The following NALF1 variants were observed in gnomAD, a reference collection of about 807,000 sequenced individuals.
NALF1 encodes NALCN channel auxiliary factor 1.
NALF1 carries 3 observed loss-of-function variants against 48.4 expected under a neutral mutation model. The observed-to-expected ratio is 0.06, with a 90% confidence interval of 0.03 to 0.16. NALF1 has a LOEUF of 0.16. Among genes scored for constraint, NALF1 ranks in the 10% least tolerant of loss-of-function variants. The pLI is 1.00. For missense variants in NALF1, 526 were observed against 571.5 expected (o/e 0.92, Z 0.81); for synonymous variants, 262 against 245.7 (o/e 1.07, Z -0.62).
intron 1 of NALF1, among the ~76,000 whole-genome samples, chr13:107,326,498 TC>T (rs1438996974): frequency 2.6e-5 from 4 of 152,174 alleles, no homozygotes; most frequent in African/African-American, 9.7e-5. Flanking sequence ...TTCTCCATTT[TC>T]CCCATTTTAT....
intron 1 of NALF1, among the ~76,000 whole-genome samples, chr13:107,271,267 C>T (rs1057353875): frequency 6.6e-6 from 1 of 152,038 alleles, no homozygotes; most frequent in Admixed American, 6.5e-5. Flanking sequence ...CTAACTTAAT[C>T]GCACTCCAGT....
Position 107,433,414 on chromosome 13 carries a change from A to T in NALF1, c.916-222659T>A, listed in dbSNP as rs562487573. Among the ~76,000 whole-genome samples, 171 of 152,244 alleles carry T rather than the reference A, an allele frequency of 1.1e-3. 1 individual carries two copies. The highest frequency in any genetic ancestry group is 3.6e-3 in the Admixed American group (55 of 15,282). ...AGTCACAGATTTGGTTTCTAGGGTG[A>T]TTGCCCATTATATATCAAATTAATC... On this transcript the variant is annotated intron_variant, in intron 1 of 2. Coordinates refer to ENST00000375915, the MANE Select transcript of NALF1 (RefSeq NM_001080396.3).
chr13:107,530,022 G>A (rs1191583756), intron 1 of NALF1, among the ~76,000 whole-genome samples: 2 of 152,012 alleles, frequency 1.3e-5, no homozygotes, highest in African/African-American at 4.8e-5. Context: ...AGAAGCAAGG[G>A]TTCTATAGCT....
At chr13:107,260,043 G>A (rs1457387601) in intron 1 of NALF1, among the ~76,000 whole-genome samples, 1 of 152,228 alleles carries the variant, frequency 6.6e-6, no homozygotes, top group Non-Finnish European at 1.5e-5. Flanking sequence ...AAACATGGAA[G>A]AGACATGGAA....
chr13:107,202,495 T>C (rs1053537074), intron 2 of NALF1, among the ~76,000 whole-genome samples: 12 of 151,972 alleles, frequency 7.9e-5, no homozygotes, highest in Non-Finnish European at 1.5e-4. Flanking sequence ...AGCTCTGTTC[T>C]TACCCTTTAT....
At chr13:107,776,452 C>T (rs1173429488) in intron 1 of NALF1, among the ~76,000 whole-genome samples, 2 of 152,120 alleles carry the variant, frequency 1.3e-5, no homozygotes, top group Non-Finnish European at 2.9e-5. Flanking sequence ...ATTCTTAACG[C>T]ATAAAGAACA....
intron 1 of NALF1, among the ~76,000 whole-genome samples, chr13:107,595,353 A>G (rs368433906): frequency 6.6e-6 from 1 of 152,150 alleles, no homozygotes; most frequent in Non-Finnish European, 1.5e-5. Context: ...GGTTCAGGGC[A>G]TCTCTTCTCT....
chr13:107,646,139 T>G (rs531461401), intron 1 of NALF1, among the ~76,000 whole-genome samples: 1 of 152,194 alleles, frequency 6.6e-6, no homozygotes, highest in South Asian at 2.1e-4. Flanking sequence ...TAAAATTGCA[T>G]CTAACGTTTC....
At chr13:107,675,420 G>C (rs563568125) in intron 1 of NALF1, among the ~76,000 whole-genome samples, 15 of 152,314 alleles carry the variant, frequency 9.8e-5, no homozygotes, top group Non-Finnish European at 1.8e-4. Context: ...CTGCGGATGG[G>C]GGGGAAGGGA....
intron 1 of NALF1, among the ~76,000 whole-genome samples, chr13:107,800,610 AAT>A (rs894141269): frequency 2.2e-4 from 32 of 147,118 alleles, no homozygotes; most frequent in Non-Finnish European, 3.9e-4. Flanking sequence ...TATGTAATAT[AAT>A]ATATATATTA....
chr13:107,831,731 C>T (rs1879737558), intron 1 of NALF1, among the ~76,000 whole-genome samples: 1 of 152,098 alleles, frequency 6.6e-6, no homozygotes, highest in African/African-American at 2.4e-5. Flanking sequence ...TATTTTGTAA[C>T]AAGATGTTTG....
chr13:107,660,467 AC>A lies in NALF1; in HGVS notation c.915+205214del, dbSNP rs1566434034. On this transcript the variant is annotated intron_variant, in intron 1 of 2. Transcript: ENST00000375915. ...CACACACACACACACACACACACAC[AC>A]ACACACACACACACACAACAAAGAA... Among the ~76,000 whole-genome samples, 1,033 of 124,134 alleles carry A rather than the reference AC, an allele frequency of 8.3e-3. 25 individuals are homozygous for A. The highest frequency in any genetic ancestry group is 0.037 in the African/African-American group (989 of 26,510). 81.4% of individuals were successfully genotyped at this position (124,134 alleles called of 152,430 possible). A position where few individuals can be genotyped will look rare whatever the true frequency, so the allele number is the denominator to read the frequency against.
At chr13:107,847,905 C>G (rs975191490) in intron 1 of NALF1, among the ~76,000 whole-genome samples, 1 of 151,960 alleles carries the variant, frequency 6.6e-6, no homozygotes, top group Non-Finnish European at 1.5e-5. Flanking sequence ...TAATGAAATT[C>G]TCTACTTTTT....
intron 1 of NALF1, among the ~76,000 whole-genome samples, chr13:107,240,806 C>G (rs1880450753): frequency 6.6e-6 from 1 of 151,508 alleles, no homozygotes; most frequent in Non-Finnish European, 1.5e-5. Context: ...AAAGATATTT[C>G]ACCTTTTTTT....
chr13:107,691,528 C>T (rs558265650), intron 1 of NALF1, among the ~76,000 whole-genome samples: 2 of 152,294 alleles, frequency 1.3e-5, no homozygotes, highest in South Asian at 2.1e-4. Context: ...CTCACATGCA[C>T]AGAAATCAGT....
At chr13:107,485,769 A>G (rs1885319300) in intron 1 of NALF1, among the ~76,000 whole-genome samples, 1 of 152,176 alleles carries the variant, frequency 6.6e-6, no homozygotes, top group Non-Finnish European at 1.5e-5. Context: ...GCTACCTAAA[A>G]TTTAACCAAA....
At chr13:107,778,298 A>G (rs1057130725) in intron 1 of NALF1, among the ~76,000 whole-genome samples, 2 of 152,210 alleles carry the variant, frequency 1.3e-5, no homozygotes, top group African/African-American at 4.8e-5. Context: ...CATCATGCTT[A>G]AATCTGGTCA....
At chr13:107,714,917 C>CTATTCCA (rs1875706935) in intron 1 of NALF1, among the ~76,000 whole-genome samples, 2 of 151,860 alleles carry the variant, frequency 1.3e-5, no homozygotes, top group African/African-American at 4.8e-5. Context: ...TGGATATTAA[C>CTATTCCA]AATGAGTTAC....
intron 1 of NALF1, among the ~76,000 whole-genome samples, chr13:107,436,558 G>A (rs924659100): frequency 5.9e-5 from 9 of 151,994 alleles, no homozygotes; most frequent in African/African-American, 1.9e-4. Context: ...AGGAAACAAC[G>A]AATAAAAAGA....
Sources: gnomAD v4.1 joint callset for allele counts (sites outside exome capture counted in the v4.1 genomes callset) on GRCh38, gnomAD v4.1.1 for gene constraint, MANE v1.5 for transcripts, NCBI Gene and HGNC (gene_info 2026-07-23, HGNC 2026-07-21) for gene names.